The following ADIG variants were observed in gnomAD, a reference collection of about 807,000 sequenced individuals.
ADIG encodes the protein adipogenin, also known as adipogenesis associated.
Under a neutral mutation model 10.7 loss-of-function variants are expected in ADIG, and 12 were observed. The ratio of observed to expected loss-of-function variants is 1.12; its 90% CI spans 0.72 to 1.82. The LOEUF (loss-of-function observed/expected upper bound fraction) is 1.82. ADIG is among the 40% of genes most tolerant of loss of function. The pLI is 0.00. For missense variants in ADIG, 72 were observed against 92.5 expected (o/e 0.78, Z 0.91); for synonymous variants, 32 against 35.6 (o/e 0.90, Z 0.36).
Position 38,586,152 on chromosome 20 carries a change from G to T in ADIG, c.*5G>T. 2 of 1,581,530 alleles carry T rather than the reference G, an allele frequency of 1.3e-6. No individual in the cohort carries two copies. Among genetic ancestry groups the T allele is most frequent in the Non-Finnish European group, 1.7e-6 (2 of 1,163,796 alleles). On this transcript the variant is annotated 3_prime_UTR_variant, in exon 2 of 3. Coordinates refer to ENST00000537425, the MANE Select transcript of ADIG (RefSeq NM_001393816.1). ...AAGGAGAGGCCCTGCTGGTGAGCCT[G>T]CTGTGCCAGGTGAGGCCCTTCCAGG...
intron 1 of ADIG, chr20:38,585,703 C>A (rs2088630170): frequency 1.5e-6 from 1 of 672,796 alleles, no homozygotes; most frequent in Non-Finnish European, 2.5e-6. Context: ...GGACTAGTGG[C>A]CTGGATGGGT....
At chr20:38,585,384 A>G in intron 1 of ADIG, 2 of 1,547,032 alleles carry the variant, frequency 1.3e-6, no homozygotes, top group East Asian at 4.9e-5. Context: ...TTTGCTTTTC[A>G]AAACAAAAAG....
chr20:38,588,093 G>T lies in ADIG; in HGVS notation c.*15-8G>T. On this transcript the variant is annotated splice_polypyrimidine_tract_variant and splice_region_variant and intron_variant, in intron 2 of 2. Transcript: ENST00000537425. ...CATCCCTAGTCCCAACCTTCCTTTT[G>T]TTTCTAGTTTGGTTTTCCTGGAGTC... 7.7e-7 allele frequency: 1 copy of T among 1,294,336 alleles called. No individual in the cohort carries two copies. The highest frequency in any genetic ancestry group is 1.0e-6 in the Non-Finnish European group (1 of 983,738). 80.2% of individuals were successfully genotyped at this position (1,294,336 alleles called of 1,614,324 possible).
chr20:38,588,023 C>A, intron 2 of ADIG, 78 bp from the exon 3 acceptor site: 1 of 1,220,538 alleles, frequency 8.2e-7, no homozygotes, highest in Non-Finnish European at 1.1e-6. Context: ...CAGGCATGAA[C>A]CACCACGTCT....
In ADIG at chr20:38,583,875, G is replaced by T. The variant is rs1397996989; in HGVS notation, c.125-2154G>T. ...AGTGAGGTGGGCATTCCTCCCTCAG[G>T]TTCTCCGTCTTCTAAAACTCCCAGT... On this transcript the variant is annotated intron_variant, in intron 1 of 2. Transcript: ENST00000537425. Among the ~76,000 whole-genome samples the T allele has an allele frequency of 2.0e-5, 3 of 152,188 alleles. No homozygotes were observed. The East Asian group carries it at 5.8e-4, about 29-fold the overall frequency.
At chr20:38,581,493 CG>C (rs1293680570) in intron 1 of ADIG, 119 bp downstream of exon 1, 1 of 1,405,526 alleles carries the variant, frequency 7.1e-7, no homozygotes, top group Non-Finnish European at 9.7e-7. Context: ...TTTAAGTGCT[CG>C]CTTAGATACA....
At chr20:38,586,248 CA>C in intron 2 of ADIG, 87 bp downstream of exon 2, 1 of 1,061,872 alleles carries the variant, frequency 9.4e-7, no homozygotes, top group Non-Finnish European at 1.4e-6. Context: ...CTGCCTCCAC[CA>C]TATTAGAGGT....
At chr20:38,582,725 C>G (rs893307691) in intron 1 of ADIG, among the ~76,000 whole-genome samples, 1 of 152,220 alleles carries the variant, frequency 6.6e-6, no homozygotes, top group Non-Finnish European at 1.5e-5. Context: ...TTGGGCCCCA[C>G]AGCTGGTAGG....
At chr20:38,585,457 C>G in intron 1 of ADIG, 1 of 1,550,520 alleles carries the variant, frequency 6.4e-7, no homozygotes, top group Non-Finnish European at 8.7e-7. Flanking sequence ...TCAGAAGATA[C>G]AGATATGATG....
chr20:38,585,325 C>A, intron 1 of ADIG: 1 of 1,218,728 alleles, frequency 8.2e-7, no homozygotes, highest in Non-Finnish European at 1.2e-6. Context: ...TGTTAGCAAA[C>A]TCATTAACGT....
intron 1 of ADIG, among the ~76,000 whole-genome samples, chr20:38,582,873 A>G (rs959226821): frequency 6.6e-6 from 1 of 151,990 alleles, no homozygotes; most frequent in Non-Finnish European, 1.5e-5. Flanking sequence ...GCTGGAGTGC[A>G]GTGGCACAAT....
chr20:38,586,838 A>T (rs2088641927), intron 2 of ADIG, among the ~76,000 whole-genome samples: 3 of 151,988 alleles, frequency 2.0e-5, no homozygotes, highest in Admixed American at 2.0e-4. Context: ...TGAGGATATG[A>T]TTCTCACCTC....
intron 1 of ADIG, among the ~76,000 whole-genome samples, chr20:38,584,137 A>G (rs1027397875): frequency 1.3e-5 from 2 of 151,980 alleles, no homozygotes; most frequent in African/African-American, 2.4e-5. Flanking sequence ...CTCAGAATAC[A>G]GAGGGTTAAG....
Position 38,585,699 on chromosome 20 carries a change from G to A in ADIG, c.125-330G>A, listed in dbSNP as rs115674164. The A allele has an allele frequency of 5.7e-3, 3,948 of 695,190 alleles. 117 individuals carry two copies. In the African/African-American group the frequency reaches 0.062, roughly 11 times the overall value. 43.1% of individuals were successfully genotyped at this position (695,190 alleles called of 1,614,324 possible). On this transcript the variant is annotated intron_variant, in intron 1 of 2. Transcript: ENST00000537425. ...TGTTAATGAATGAACTAGTGGACTA[G>A]TGGCCTGGATGGGTCAATAACTGTG...
Position 38,581,372 on chromosome 20 carries a change from A to G in ADIG, c.122A>G (p.Gln41Arg), listed in dbSNP as rs780014381. 1.2e-6 allele frequency: 2 copies of G among 1,613,994 alleles called. 1 individual carries two copies. The highest frequency in any genetic ancestry group is 2.2e-5 in the South Asian group (2 of 91,078). The part of the protein sequence containing the change: ...LIIWLRFLLS[Q>R]DSEENDSSVC... The stretch of plus-strand genomic sequence containing the variant: ...ATCTGGCTACGCTTCTTACTTAGCC[A>G]AGGTGAGCTTCTTACCCCGTCCAGG... The change falls in exon 1 of 3, where the codon CAA (glutamine) becomes CGA (arginine). Residue 41 changes from glutamine to arginine, a missense_variant and splice_region_variant. Physicochemically the swap from Gln to Arg is conservative, Grantham distance 43. Coordinates refer to ENST00000537425, the MANE Select transcript of ADIG (RefSeq NM_001393816.1).
chr20:38,586,045 C>T lies in ADIG; in HGVS notation c.141C>T (p.Asp47=), dbSNP rs756069665. The stretch of plus-strand genomic sequence containing the variant: ...TCTCCACAGATTCAGAGGAAAATGA[C>T]TCCAGTGTGTGCTTGGATTGGGAGC... The part of the protein sequence containing the change: ...FLLSQDSEEN[D]SSVCLDWEPW... Residue 47 remains aspartate (D), a synonymous_variant, in exon 2 of 3, where the codon GAC becomes GAT. Transcript: ENST00000537425. 2 of 1,609,012 alleles carry T rather than the reference C, an allele frequency of 1.2e-6. No homozygotes were observed. The highest frequency in any genetic ancestry group is 1.7e-6 in the Non-Finnish European group (2 of 1,177,838).
At position 38,585,340 on chromosome 20, in the gene ADIG, AG is replaced by A. The variant is rs1490295049; in HGVS notation, c.125-687del. 1.1e-5 allele frequency: 15 copies of A among 1,386,674 alleles called. No homozygotes were observed. The African/African-American group carries it at 2.0e-4, about 19-fold the overall frequency. 85.9% of individuals were successfully genotyped at this position (1,386,674 alleles called of 1,614,324 possible). On this transcript the variant is annotated intron_variant, in intron 1 of 2. Transcript: ENST00000537425. The stretch of plus-strand genomic sequence containing the variant: ...TGTTAGCAAACTCATTAACGTGTGC[AG>A]GTTTTCAAAACAAATTGGGGAATGG...
intron 1 of ADIG, among the ~76,000 whole-genome samples, chr20:38,584,159 C>T (rs1258152145): frequency 6.6e-6 from 1 of 152,122 alleles, no homozygotes; most frequent in Non-Finnish European, 1.5e-5. Flanking sequence ...GTGGAATACC[C>T]GACAGGATGC....
chr20:38,586,199 C>T (rs2088635477), intron 2 of ADIG, 38 bp downstream of exon 2: 2 of 1,513,276 alleles, frequency 1.3e-6, no homozygotes, highest in East Asian at 4.9e-5. Flanking sequence ...GCCTCAAGGC[C>T]CACCCAAAGC....
Sources: allele counts gnomAD v4.1 joint callset (sites outside exome capture counted in the v4.1 genomes callset), GRCh38; gene constraint gnomAD v4.1.1; transcripts MANE v1.5; gene names NCBI Gene and HGNC (gene_info 2026-07-23, HGNC 2026-07-21).